DPF3: variants seen among roughly 807,000 people sequenced by gnomAD.
DPF3 encodes zinc finger protein DPF3.
DPF3 carries 18 observed loss-of-function variants against 56.8 expected under a neutral mutation model. The ratio of observed to expected loss-of-function variants is 0.32; its 90% CI spans 0.22 to 0.47. The LOEUF is 0.47. DPF3 is among the 20% of genes least tolerant of loss of function. The pLI is 1.00. For missense variants in DPF3, 403 were observed against 488.8 expected, an observed-to-expected ratio of 0.82 and a Z score of 1.65; for synonymous variants, 188 against 180.2, an observed-to-expected ratio of 1.04 and a Z score of -0.35.
chr14:72,879,864 A>C, intron 1 of DPF3: 1 of 1,535,576 alleles, frequency 6.5e-7, no homozygotes, highest in Non-Finnish European at 8.7e-7. Flanking sequence ...TGTGAACCCC[A>C]TAAAACCATA....
At position 72,812,109 on chromosome 14, in the gene DPF3, T is replaced by C. The variant is rs115989060; in HGVS notation, c.33-40216A>G. On this transcript the variant is annotated intron_variant, in intron 1 of 10. Coordinates refer to ENST00000556509, the MANE Select transcript of DPF3 (RefSeq NM_001280542.3). ...GAGGCAAGGAGGGAGGCCAGCCATG[T>C]TAAAGACCAAGTTAAAGACCAAAGT... Among the ~76,000 whole-genome samples the C allele has an allele frequency of 5.9e-4, 90 of 152,114 alleles. 1 individual carries two copies. Among genetic ancestry groups the C allele is most frequent in the African/African-American group, 2.0e-3 (85 of 41,500 alleles).
intron 7 of DPF3, among the ~76,000 whole-genome samples, chr14:72,686,901 A>G (rs1428696082): frequency 6.6e-6 from 1 of 152,244 alleles, no homozygotes; most frequent in African/African-American, 2.4e-5. Context: ...TTTCAAAGGT[A>G]ATTTTCACTC....
At chr14:72,716,183 G>A (rs1314411739) in intron 5 of DPF3, among the ~76,000 whole-genome samples, 2 of 152,068 alleles carry the variant, frequency 1.3e-5, no homozygotes, top group Admixed American at 6.5e-5. Context: ...GAGTCGAGCA[G>A]AACTGGATGT....
rs1169236184 is a variant in DPF3, at chr14:72,609,406, A to G, written c.*9891T>C. On this transcript the variant is annotated 3_prime_UTR_variant, in exon 11 of 11. Coordinates refer to ENST00000556509, the MANE Select transcript of DPF3 (RefSeq NM_001280542.3). Reference sequence around the variant, plus strand: ...CCACATCAGGTGTGGGCTGCTTCCAATCTGTAGGTTCTCCTGGAGATTGTC... The same window carrying G: ...CCACATCAGGTGTGGGCTGCTTCCAGTCTGTAGGTTCTCCTGGAGATTGTC... Among the ~76,000 whole-genome samples, 1 of 152,134 alleles carries G rather than the reference A, an allele frequency of 6.6e-6. No individual in the cohort carries two copies. Among genetic ancestry groups the G allele is most frequent in the Non-Finnish European group, 1.5e-5 (1 of 68,010 alleles).
At chr14:72,673,893 A>G (rs1886797269) in intron 8 of DPF3, 1 of 226,932 alleles carries the variant, frequency 4.4e-6, no homozygotes, top group Non-Finnish European at 8.7e-6. Flanking sequence ...TTTCTGTTAC[A>G]TGTGCATCAT....
chr14:72,672,792 C>A (rs554617851), intron 8 of DPF3, among the ~76,000 whole-genome samples: 7 of 152,148 alleles, frequency 4.6e-5, no homozygotes, highest in Non-Finnish European at 8.8e-5. Flanking sequence ...CTAACCCATC[C>A]AAACCTACAG....
chr14:72,731,578 A>C, intron 4 of DPF3: 2 of 541,026 alleles, frequency 3.7e-6, no homozygotes, highest in Non-Finnish European at 3.3e-6. Context: ...TTGCATAGAC[A>C]GACAGAAGAG....
chr14:72,838,892 T>C (rs1884417842), intron 1 of DPF3, among the ~76,000 whole-genome samples: 1 of 107,956 alleles, frequency 9.3e-6, no homozygotes, highest in African/African-American at 3.1e-5. Context: ...CTATCATATA[T>C]ATTATCATAT....
At chr14:72,712,624 GC>G (rs1259423388) in intron 6 of DPF3, among the ~76,000 whole-genome samples, 2 of 152,210 alleles carry the variant, frequency 1.3e-5, no homozygotes, top group African/African-American at 2.4e-5. Context: ...TGTAATCCCA[GC>G]ACTTTGGGAG....
chr14:72,696,316 A>G (rs1417622443), intron 6 of DPF3, among the ~76,000 whole-genome samples: 1 of 152,222 alleles, frequency 6.6e-6, no homozygotes. Flanking sequence ...TATCTAGAGA[A>G]GTGTTTTATT....
At position 72,618,110 on chromosome 14, in the gene DPF3, A is replaced by T. The variant is rs1260025569; in HGVS notation, c.*1187T>A. On this transcript the variant is annotated 3_prime_UTR_variant, in exon 11 of 11. Transcript: ENST00000556509. ...ATGTTTGGGGAGCTTAGGAGACAAGAGCAGCCCCCGCACTGAGAGTTCTAA... is the reference window on the plus strand; with the variant it reads ...ATGTTTGGGGAGCTTAGGAGACAAGTGCAGCCCCCGCACTGAGAGTTCTAA... 2.6e-5 allele frequency among the ~76,000 whole-genome samples: 4 copies of T among 151,984 alleles called. No homozygotes were observed. The East Asian group carries it at 7.7e-4, about 29-fold the overall frequency.
intron 8 of DPF3, among the ~76,000 whole-genome samples, chr14:72,669,129 C>T (rs1016918165): frequency 3.9e-5 from 6 of 152,214 alleles, no homozygotes; most frequent in African/African-American, 1.4e-4. Context: ...AAAGTGGAAG[C>T]CCTTTCTGTC....
intron 3 of DPF3, among the ~76,000 whole-genome samples, chr14:72,748,848 T>C (rs903644354): frequency 1.3e-5 from 2 of 152,212 alleles, no homozygotes; most frequent in African/African-American, 4.8e-5. Context: ...GAACTGAAGT[T>C]TGGAAACCTC....
At chr14:72,801,701 T>A (rs2140002049) in intron 1 of DPF3, among the ~76,000 whole-genome samples, 1 of 152,272 alleles carries the variant, frequency 6.6e-6, no homozygotes, top group African/African-American at 2.4e-5. Context: ...GGGTGTCCAG[T>A]GGCGACAGAT....
chr14:72,810,773 C>T lies in DPF3; in HGVS notation c.33-38880G>A, dbSNP rs1883010076. Among the ~76,000 whole-genome samples the T allele has an allele frequency of 2.0e-5, 3 of 152,262 alleles. No homozygotes were observed. In the South Asian group the frequency reaches 6.2e-4, roughly 32 times the overall value. On this transcript the variant is annotated intron_variant, in intron 1 of 10. Coordinates refer to ENST00000556509, the MANE Select transcript of DPF3 (RefSeq NM_001280542.3). The stretch of plus-strand genomic sequence containing the variant: ...GACCTTCCCGATCCTGGAGCTGGGC[C>T]CTGGGCTCAGAAGACCCCAGACTGT...
intron 3 of DPF3, among the ~76,000 whole-genome samples, chr14:72,752,949 G>A (rs1010687089): frequency 7.2e-5 from 11 of 152,156 alleles, no homozygotes; most frequent in Non-Finnish European, 1.5e-4. Flanking sequence ...CACATGACCC[G>A]AAAGAGCTGC....
At chr14:72,839,119 C>A (rs930599489) in intron 1 of DPF3, among the ~76,000 whole-genome samples, 8 of 151,398 alleles carry the variant, frequency 5.3e-5, no homozygotes, top group Non-Finnish European at 1.2e-4. Context: ...CGGGGCTTCG[C>A]CATGTTGGCC....
chr14:72,649,620 T>C (rs1372078998), intron 8 of DPF3, among the ~76,000 whole-genome samples: 1 of 123,432 alleles, frequency 8.1e-6, no homozygotes, highest in East Asian at 2.5e-4. Flanking sequence ...CTAAACTCTT[T>C]AAAAGATGCA....
At chr14:72,801,447 C>T (rs566177856) in intron 1 of DPF3, among the ~76,000 whole-genome samples, 1 of 152,328 alleles carries the variant, frequency 6.6e-6, no homozygotes, top group South Asian at 2.1e-4. Flanking sequence ...TCATCATGAC[C>T]TCAAGGAGGT....
Sources: gnomAD v4.1 joint callset for allele counts (sites outside exome capture counted in the v4.1 genomes callset) on GRCh38, gnomAD v4.1.1 for gene constraint, MANE v1.5 for transcripts, NCBI Gene and HGNC (gene_info 2026-07-23, HGNC 2026-07-21) for gene names.